Variants in KCNQ5 observed in about 807,000 individuals in gnomAD.
KCNQ5 encodes potassium voltage-gated channel subfamily KQT member 5.
KCNQ5 carries 30 observed loss-of-function variants against 98.2 expected under a neutral mutation model. The observed-to-expected ratio is 0.31, with a 90% CI of 0.23 to 0.41. The LOEUF is 0.41. Among genes scored for constraint, KCNQ5 ranks in the 10% least tolerant of loss-of-function variants. KCNQ5 has a pLI of 1.00. For missense variants in KCNQ5, 835 were observed against 1,182.5 expected (o/e 0.71, Z 4.31); for synonymous variants, 458 against 449.4 (o/e 1.02, Z -0.24).
At chr6:72,674,677 C>T (rs1767319635) in intron 1 of KCNQ5, among the ~76,000 whole-genome samples, 3 of 151,866 alleles carry the variant, frequency 2.0e-5, no homozygotes, top group Admixed American at 6.6e-5. Flanking sequence ...GGCTGAGGCA[C>T]GAGAATTGCT....
intron 1 of KCNQ5, among the ~76,000 whole-genome samples, chr6:72,632,328 AGAC>A (rs1159823407): frequency 6.6e-6 from 1 of 151,292 alleles, no homozygotes; most frequent in Non-Finnish European, 1.5e-5. Context: ...TTTTTAGTAG[AGAC>A]GGGGTTTCAC....
intron 1 of KCNQ5, among the ~76,000 whole-genome samples, chr6:72,861,917 A>G (rs567339935): frequency 6.6e-6 from 1 of 151,858 alleles, no homozygotes; most frequent in African/African-American, 2.4e-5. Flanking sequence ...TGAGGTCTCT[A>G]GCTTTTTCTT....
At chr6:72,658,578 A>ATATATTTT (rs1226386362) in intron 1 of KCNQ5, among the ~76,000 whole-genome samples, 4 of 76,376 alleles carry the variant, frequency 5.2e-5, no homozygotes, top group African/African-American at 1.7e-4. Flanking sequence ...ATATATATAT[A>ATATATTTT]TTTTTTTTTT....
intron 11 of KCNQ5, among the ~76,000 whole-genome samples, chr6:73,184,483 C>G (rs1020653823): frequency 6.6e-6 from 1 of 152,178 alleles, no homozygotes; most frequent in Non-Finnish European, 1.5e-5. Context: ...TCTGCCTTGT[C>G]ACAGAACACA....
At chr6:72,730,301 A>T (rs1770493833) in intron 1 of KCNQ5, among the ~76,000 whole-genome samples, 1 of 152,078 alleles carries the variant, frequency 6.6e-6, no homozygotes, top group Non-Finnish European at 1.5e-5. Flanking sequence ...ATTTTAAACA[A>T]CTATTTAGAT....
At chr6:72,822,395 T>A (rs1273256257) in intron 1 of KCNQ5, among the ~76,000 whole-genome samples, 1 of 152,218 alleles carries the variant, frequency 6.6e-6, no homozygotes, top group Non-Finnish European at 1.5e-5. Context: ...AATCATAGAA[T>A]GATGTGCATG....
chr6:72,690,235 AAAAAAAC>A (rs1768147689), intron 1 of KCNQ5, among the ~76,000 whole-genome samples: 1 of 152,088 alleles, frequency 6.6e-6, no homozygotes. Context: ...TCCCGTCTCC[AAAAAAAC>A]AAAAAAGAAA....
intron 1 of KCNQ5, among the ~76,000 whole-genome samples, chr6:72,965,310 T>C (rs1376495511): frequency 3.9e-5 from 6 of 152,202 alleles, no homozygotes; most frequent in African/African-American, 1.4e-4. Context: ...TAACGTATCA[T>C]TAAATGGAAG....
At chr6:72,873,222 A>G (rs762338803) in intron 1 of KCNQ5, among the ~76,000 whole-genome samples, 19 of 152,170 alleles carry the variant, frequency 1.2e-4, no homozygotes, top group Non-Finnish European at 2.8e-4. Context: ...AAGCTAAAAT[A>G]AAATGTACCA....
chr6:73,127,958 G>C (rs920250970), intron 9 of KCNQ5, among the ~76,000 whole-genome samples: 1 of 152,140 alleles, frequency 6.6e-6, no homozygotes, highest in Non-Finnish European at 1.5e-5. Flanking sequence ...CCAGCTACCT[G>C]GGAAGCTGAG....
At chr6:72,900,461 T>G (rs1779446558) in intron 1 of KCNQ5, among the ~76,000 whole-genome samples, 1 of 141,742 alleles carries the variant, frequency 7.1e-6, no homozygotes, top group Non-Finnish European at 1.5e-5. Flanking sequence ...ATATATGATT[T>G]ATTTTATATA....
intron 1 of KCNQ5, among the ~76,000 whole-genome samples, chr6:72,866,361 C>T (rs1257182553): frequency 1.3e-5 from 2 of 149,832 alleles, no homozygotes; most frequent in East Asian, 2.0e-4. Context: ...CTCAGGTGAT[C>T]CTCTGACCTC....
chr6:72,716,664 A>C (rs1355408090), intron 1 of KCNQ5, among the ~76,000 whole-genome samples: 1 of 152,158 alleles, frequency 6.6e-6, no homozygotes, highest in East Asian at 1.9e-4. Flanking sequence ...GTAGGTGTTT[A>C]ATTACTATCT....
intron 11 of KCNQ5, 52 bp downstream of exon 11, chr6:73,169,906 G>T (rs1425759149): frequency 8.7e-7 from 1 of 1,154,684 alleles, no homozygotes; most frequent in South Asian, 1.2e-5. Context: ...ATGATTAATT[G>T]AATTACTATG....
At chr6:73,126,962 A>G (rs1776012875) in intron 9 of KCNQ5, among the ~76,000 whole-genome samples, 1 of 152,204 alleles carries the variant, frequency 6.6e-6, no homozygotes, top group African/African-American at 2.4e-5. Context: ...TAAAAAGAGA[A>G]ATAAAAAATT....
intron 1 of KCNQ5, among the ~76,000 whole-genome samples, chr6:72,643,948 G>A (rs370594925): frequency 1.3e-5 from 2 of 152,004 alleles, no homozygotes; most frequent in African/African-American, 4.8e-5. Flanking sequence ...AACTGTCCAA[G>A]GGAATACTGC....
chr6:72,963,654 T>TTTTATTTATTTATTTA lies in KCNQ5; in HGVS notation c.399-40243_399-40228dup, dbSNP rs144818469. ...CTATAGCTATTAATCACAGCTTTTATTTTATTTATTTATTTATTTATTTAT... is the reference window on the plus strand; with the variant it reads ...CTATAGCTATTAATCACAGCTTTTATTTTATTTATTTATTTATTTATTTATTTATTTATTTATTTAT... On this transcript the variant is annotated intron_variant, in intron 1 of 13. Coordinates refer to ENST00000370398, the MANE Select transcript of KCNQ5 (RefSeq NM_019842.4). Among the ~76,000 whole-genome samples the TTTTATTTATTTATTTA allele has an allele frequency of 2.4e-3, 370 of 152,042 alleles. 3 individuals are homozygous for TTTTATTTATTTATTTA. The highest frequency in any genetic ancestry group is 0.02 in the East Asian group (104 of 5,174).
intron 1 of KCNQ5, among the ~76,000 whole-genome samples, chr6:72,823,098 G>T (rs541418879): frequency 2.0e-5 from 3 of 152,236 alleles, no homozygotes; most frequent in South Asian, 4.1e-4. Flanking sequence ...ATATTTATAG[G>T]TTCCAGGGAT....
intron 1 of KCNQ5, among the ~76,000 whole-genome samples, chr6:72,930,220 A>C (rs1002745051): frequency 3.7e-5 from 5 of 136,826 alleles, no homozygotes; most frequent in Non-Finnish European, 8.1e-5. Flanking sequence ...CACATTGTTA[A>C]TTCATTGTGA....
Sources: allele counts gnomAD v4.1 joint callset (sites outside exome capture counted in the v4.1 genomes callset), GRCh38; gene constraint gnomAD v4.1.1; transcripts MANE v1.5; gene names NCBI Gene and HGNC (gene_info 2026-07-23, HGNC 2026-07-21).